MAP3K5: variants seen among roughly 807,000 people sequenced by gnomAD.
MAP3K5 encodes ASK-1.
In MAP3K5, 56 loss-of-function variants were observed where a neutral mutation model predicts 158.7. The ratio of observed to expected loss-of-function variants is 0.35; its 90% CI spans 0.28 to 0.44. The LOEUF (loss-of-function observed/expected upper bound fraction) is 0.44, where lower values mean the gene tolerates loss of function less well. Among genes scored for constraint, MAP3K5 ranks in the 20% least tolerant of loss-of-function variants. MAP3K5 has a pLI of 1.00. For missense variants in MAP3K5, 1,294 were observed against 1,674.8 expected (o/e 0.77, Z 3.97); for synonymous variants, 579 against 601.7 (o/e 0.96, Z 0.55).
chr6:136,726,212 T>G (rs1244762778), intron 1 of MAP3K5, among the ~76,000 whole-genome samples: 1 of 152,206 alleles, frequency 6.6e-6, no homozygotes, highest in African/African-American at 2.4e-5. Context: ...TATCAATTGA[T>G]AGCTACCAAA....
In MAP3K5 at chr6:136,613,408, C is replaced by T; in HGVS notation, c.2279-152G>A. ...GATATCGGGCTCAAACATGAATTTG[C>T]AAATATCCCTACTCTAAAGATGCTT... On this transcript the variant is annotated intron_variant, in intron 16 of 29. Coordinates refer to ENST00000359015, the MANE Select transcript of MAP3K5 (RefSeq NM_005923.4). This position sits in a 1 kb window ranked among gnomAD's most constrained non-coding sequence, Gnocchi z 4.0. The T allele has an allele frequency of 1.8e-6, 1 of 560,806 alleles. No homozygotes were observed. The highest frequency in any genetic ancestry group is 2.9e-6 in the Non-Finnish European group (1 of 341,538). The allele number at this position is 560,806 out of a possible 1,614,324, so 34.7% of individuals were successfully genotyped here.
chr6:136,681,295 C>G (rs1779922124), intron 7 of MAP3K5, among the ~76,000 whole-genome samples: 3 of 152,106 alleles, frequency 2.0e-5, no homozygotes, highest in Admixed American at 2.0e-4. Context: ...TTAGGTGCTC[C>G]ATCTTTGTTA....
chr6:136,737,031 G>GTATATATATA, intron 1 of MAP3K5, among the ~76,000 whole-genome samples: 1 of 67,444 alleles, frequency 1.5e-5, no homozygotes, highest in Non-Finnish European at 3.0e-5. Flanking sequence ...ATATATATAT[G>GTATATATATA]TGTGTGTATA....
intron 9 of MAP3K5, among the ~76,000 whole-genome samples, chr6:136,658,905 G>A (rs575009345): frequency 6.6e-6 from 1 of 152,298 alleles, no homozygotes; most frequent in South Asian, 2.1e-4. Flanking sequence ...CTCAGGCCCC[G>A]AACATAAGTT....
intron 25 of MAP3K5, among the ~76,000 whole-genome samples, chr6:136,578,588 T>C (rs560911875): frequency 9.2e-5 from 14 of 152,084 alleles, no homozygotes; most frequent in African/African-American, 3.4e-4. Context: ...GTCCAGACTC[T>C]CGGTGGCCTG....
At chr6:136,736,982 C>A (rs1194023401) in intron 1 of MAP3K5, among the ~76,000 whole-genome samples, 1 of 144,182 alleles carries the variant, frequency 6.9e-6, no homozygotes, top group Non-Finnish European at 1.5e-5. Flanking sequence ...CTGTGTACAG[C>A]CATGTTGTTA....
intron 28 of MAP3K5, among the ~76,000 whole-genome samples, chr6:136,560,942 C>T (rs957665657): frequency 5.0e-5 from 6 of 120,342 alleles, no homozygotes; most frequent in Non-Finnish European, 8.3e-5. Flanking sequence ...ACCTTGTCTC[C>T]AAAAAAATAT....
chr6:136,775,418 T>C (rs1375355931), intron 1 of MAP3K5, among the ~76,000 whole-genome samples: 1 of 152,200 alleles, frequency 6.6e-6, no homozygotes, highest in African/African-American at 2.4e-5. Context: ...CAAATTAGGC[T>C]TTCGGCACGT....
At chr6:136,642,886 A>G (rs968136101) in intron 11 of MAP3K5, among the ~76,000 whole-genome samples, 3 of 152,228 alleles carry the variant, frequency 2.0e-5, no homozygotes, top group African/African-American at 7.2e-5. Flanking sequence ...AAAGTCAATG[A>G]TCAAGGTAAT....
At chr6:136,607,397 AT>A (rs1776148203) in intron 18 of MAP3K5, among the ~76,000 whole-genome samples, 1 of 152,254 alleles carries the variant, frequency 6.6e-6, no homozygotes, top group South Asian at 2.1e-4. Flanking sequence ...GTGTTTAATT[AT>A]CCCCCACTGA....
At chr6:136,680,666 AC>A (rs1779894943) in intron 7 of MAP3K5, among the ~76,000 whole-genome samples, 1 of 152,204 alleles carries the variant, frequency 6.6e-6, no homozygotes, top group African/African-American at 2.4e-5. Context: ...TTTACAGTGT[AC>A]CCATGCAAAA....
chr6:136,678,097 C>G (rs1779781532), intron 7 of MAP3K5, among the ~76,000 whole-genome samples: 1 of 152,038 alleles, frequency 6.6e-6, no homozygotes. Context: ...GCTCTGCCTA[C>G]CCTTTGGTTT....
intron 15 of MAP3K5, among the ~76,000 whole-genome samples, chr6:136,619,123 A>G (rs1194350219): frequency 3.3e-5 from 5 of 152,214 alleles, no homozygotes; most frequent in African/African-American, 1.2e-4. Context: ...GACCGGACAC[A>G]GTGCTTGCAT....
intron 3 of MAP3K5, among the ~76,000 whole-genome samples, chr6:136,704,784 G>C (rs1583449342): frequency 6.6e-6 from 1 of 152,226 alleles, no homozygotes; most frequent in Non-Finnish European, 1.5e-5. Flanking sequence ...GACCTCACGT[G>C]ATCTGCCTGC....
intron 11 of MAP3K5, among the ~76,000 whole-genome samples, chr6:136,644,652 C>CA (rs1562574263): frequency 6.6e-6 from 1 of 152,096 alleles, no homozygotes; most frequent in South Asian, 2.1e-4. Context: ...CCTCTGCTGA[C>CA]AAAAAAATAA....
rs759877858 is a variant in MAP3K5 at position 136,695,965 on chromosome 6, T to C, written c.1068A>G (p.Ala356=). 8 of 1,612,316 alleles carry C rather than the reference T, an allele frequency of 5.0e-6. No individual in the cohort carries two copies. In the South Asian group the frequency reaches 5.5e-5, roughly 11 times the overall value. The stretch of plus-strand genomic sequence containing the variant: ...TTTCTTCTTACCTATTCAGTGCAAA[T>C]GCATAATGAAACTTCACATGGTGAT... ...ASHHHVKFHY[A]FALNRRNLPG... The change falls in exon 6 of 30, where the codon GCA becomes GCG. Residue 356 remains alanine (A), a synonymous_variant. Transcript: ENST00000359015.
intron 21 of MAP3K5, chr6:136,593,714 CA>C (rs760563651): frequency 0.18 from 43,246 of 235,628 alleles, 18 homozygotes; most frequent in Middle Eastern, 0.22. Flanking sequence ...GACAGATATG[CA>C]AAAAAAAAAA....
intron 1 of MAP3K5, among the ~76,000 whole-genome samples, chr6:136,723,979 C>T (rs1045878595): frequency 6.6e-6 from 1 of 152,158 alleles, no homozygotes; most frequent in African/African-American, 2.4e-5. Context: ...CTGCCTCCTG[C>T]ACCCACACAG....
At chr6:136,739,049 T>C (rs752853239) in intron 1 of MAP3K5, among the ~76,000 whole-genome samples, 14 of 151,922 alleles carry the variant, frequency 9.2e-5, no homozygotes, top group Admixed American at 2.0e-4. Context: ...CAAAAACAAA[T>C]GCACACTGTG....
Sources: gnomAD v4.1 joint callset for allele counts (sites outside exome capture counted in the v4.1 genomes callset) on GRCh38, gnomAD v4.1.1 for gene constraint, Gnocchi (gnomAD v3.1) non-coding constraint, MANE v1.5 for transcripts, NCBI Gene and HGNC (gene_info 2026-07-23, HGNC 2026-07-21) for gene names.